Variants in GRM7 observed in about 807,000 individuals in gnomAD.
GRM7 encodes the protein glutamate metabotropic receptor 7, also known as metabotropic glutamate receptor 7.
GRM7 carries 35 observed loss-of-function variants against 84.5 expected under a neutral mutation model. The ratio of observed to expected loss-of-function variants is 0.41; its 90% CI spans 0.32 to 0.55. GRM7 has a LOEUF of 0.55. Ranked by LOEUF, GRM7 falls within the 20% of genes least tolerant of loss-of-function variation. The probability of loss-of-function intolerance (pLI) is 0.19; values close to 1 mark genes in which losing one functional copy is unlikely to be tolerated. For missense variants in GRM7, 1,003 were observed against 1,194.6 expected (o/e 0.84, Z 2.36); for synonymous variants, 487 against 455.1 (o/e 1.07, Z -0.89).
chr3:7,138,946 A>G (rs1693855722), intron 1 of GRM7, among the ~76,000 whole-genome samples: 1 of 150,794 alleles, frequency 6.6e-6, no homozygotes, highest in African/African-American at 2.4e-5. Context: ...GTGTAGGCAC[A>G]TTATAGATAA....
chr3:7,415,287 T>C, intron 5 of GRM7, 124 bp downstream of exon 5: 1 of 806,612 alleles, frequency 1.2e-6, no homozygotes, highest in Non-Finnish European at 2.0e-6. Context: ...TTTTACTAGA[T>C]TGTTCAGAAA....
intron 8 of GRM7, among the ~76,000 whole-genome samples, chr3:7,644,524 C>T (rs892089032): frequency 2.0e-5 from 3 of 152,118 alleles, no homozygotes; most frequent in African/African-American, 7.2e-5. Context: ...AATTCCCTCT[C>T]AGATAATTCA....
At chr3:7,078,362 T>C (rs1698165588) in intron 1 of GRM7, among the ~76,000 whole-genome samples, 1 of 152,118 alleles carries the variant, frequency 6.6e-6, no homozygotes. Flanking sequence ...CCTTGGGGTA[T>C]TTGCGTATCA....
Position 7,627,537 on chromosome 3 carries a change from C to T in GRM7, c.2451+48180C>T, listed in dbSNP as rs557958969. On this transcript the variant is annotated intron_variant, in intron 8 of 9. Coordinates refer to ENST00000357716, the MANE Select transcript of GRM7 (RefSeq NM_000844.4). The stretch of plus-strand genomic sequence containing the variant: ...AGACATTCGCATGGTATTAAAACCA[C>T]GAACTCTCAACTAGCCAGAGTTGAA... Among the ~76,000 whole-genome samples, 39 of 152,312 alleles carry T rather than the reference C, an allele frequency of 2.6e-4. 1 individual carries two copies. The highest frequency in any genetic ancestry group is 8.7e-4 in the African/African-American group (36 of 41,570).
chr3:6,970,362 T>C lies in GRM7; in HGVS notation c.519+108455T>C, dbSNP rs532948069. 3.0e-4 allele frequency among the ~76,000 whole-genome samples: 45 copies of C among 152,370 alleles called. No individual in the cohort carries two copies. In the East Asian group the frequency reaches 8.3e-3, roughly 28 times the overall value. The stretch of plus-strand genomic sequence containing the variant: ...CTATTGTGTCTTCAGAGCTAATTGA[T>C]GTGTTTAAATGGTTCAGGAAGAAAA... On this transcript the variant is annotated intron_variant, in intron 1 of 9. Transcript: ENST00000357716.
chr3:6,967,918 G>A (rs1444275949), intron 1 of GRM7, among the ~76,000 whole-genome samples: 1 of 152,122 alleles, frequency 6.6e-6, no homozygotes, highest in Non-Finnish European at 1.5e-5. Flanking sequence ...GGAGATCTGG[G>A]CATTGGTATT....
intron 9 of GRM7, among the ~76,000 whole-genome samples, chr3:7,699,863 G>A (rs1701161698): frequency 6.6e-6 from 1 of 152,108 alleles, no homozygotes; most frequent in Non-Finnish European, 1.5e-5. Flanking sequence ...TCTTTGACTG[G>A]AGAGCCAGTC....
intron 1 of GRM7, among the ~76,000 whole-genome samples, chr3:6,890,250 TA>T (rs1194279907): frequency 1.3e-5 from 2 of 152,352 alleles, no homozygotes; most frequent in Non-Finnish European, 2.9e-5. Flanking sequence ...GCTCTGATTT[TA>T]GTTATTCCTT....
At chr3:7,045,936 AT>A (rs34216904) in intron 1 of GRM7, among the ~76,000 whole-genome samples, 3 of 151,822 alleles carry the variant, frequency 2.0e-5, no homozygotes, top group South Asian at 2.1e-4. Context: ...TCTACATGCC[AT>A]TTTTTTTGGA....
intron 1 of GRM7, among the ~76,000 whole-genome samples, chr3:6,907,143 G>A (rs1696608473): frequency 6.6e-6 from 1 of 152,022 alleles, no homozygotes. Context: ...GGGCTCAAGC[G>A]ATGCACCCAC....
intron 4 of GRM7, among the ~76,000 whole-genome samples, chr3:7,402,788 C>T (rs1171083598): frequency 7.0e-6 from 1 of 143,356 alleles, no homozygotes; most frequent in Non-Finnish European, 1.5e-5. Flanking sequence ...GTATTATTTT[C>T]TTTGAGTGTT....
intron 5 of GRM7, among the ~76,000 whole-genome samples, chr3:7,438,514 T>C (rs1697151016): frequency 6.6e-6 from 1 of 151,996 alleles, no homozygotes; most frequent in African/African-American, 2.4e-5. Context: ...GAAGAGTTTC[T>C]TAAGGCAGTG....
In GRM7 at chr3:7,444,081, C is replaced by T. The variant is rs142406616; in HGVS notation, c.1175-8526C>T. Among the ~76,000 whole-genome samples the T allele has an allele frequency of 9.2e-5, 14 of 152,228 alleles. No homozygotes were observed. The South Asian group carries it at 1.0e-3, about 11-fold the overall frequency. On this transcript the variant is annotated intron_variant, in intron 5 of 9. Transcript: ENST00000357716. ...TCCTTTTATCTCATGCTTTTAGCAA[C>T]GATTGATGGTAATTGCACAGATTCG...
At chr3:7,001,868 C>G (rs536813863) in intron 1 of GRM7, among the ~76,000 whole-genome samples, 1 of 152,274 alleles carries the variant, frequency 6.6e-6, no homozygotes, top group Admixed American at 6.5e-5. Context: ...AGGTAGAAGT[C>G]CCATCTGCAC....
At chr3:7,387,998 C>A (rs1694851342) in intron 4 of GRM7, among the ~76,000 whole-genome samples, 1 of 152,012 alleles carries the variant, frequency 6.6e-6, no homozygotes. Context: ...TCATATAGAT[C>A]TTTTATCTCC....
intron 1 of GRM7, among the ~76,000 whole-genome samples, chr3:6,914,955 A>G (rs1696893761): frequency 6.6e-6 from 1 of 152,170 alleles, no homozygotes; most frequent in African/African-American, 2.4e-5. Flanking sequence ...TATTTTTGAC[A>G]GGAACTCAAG....
intron 9 of GRM7, among the ~76,000 whole-genome samples, chr3:7,683,402 CTT>C (rs1559485374): frequency 2.0e-5 from 3 of 152,218 alleles, no homozygotes; most frequent in South Asian, 4.1e-4. Flanking sequence ...AAAATAGAGT[CTT>C]TTTCTCACCA....
At chr3:7,282,576 C>T (rs138716335) in intron 2 of GRM7, among the ~76,000 whole-genome samples, 1 of 152,250 alleles carries the variant, frequency 6.6e-6, no homozygotes, top group Non-Finnish European at 1.5e-5. Flanking sequence ...ACCTTATTTC[C>T]CCTTTGTCAT....
intron 2 of GRM7, among the ~76,000 whole-genome samples, chr3:7,276,804 T>TCCCTCCCTCCCTCCCTCCCTCCCTTCCC (rs1699086357): frequency 3.4e-3 from 1 of 292 alleles, no homozygotes; most frequent in African/African-American, 6.1e-3. Flanking sequence ...CCTTCCTTCC[T>TCCCTCCCTCCCTCCCTCCCTCCCTTCCC]TTTTGGTGGT....
Sources: allele counts gnomAD v4.1 joint callset (sites outside exome capture counted in the v4.1 genomes callset), GRCh38; gene constraint gnomAD v4.1.1; transcripts MANE v1.5; gene names NCBI Gene and HGNC (gene_info 2026-07-23, HGNC 2026-07-21).